The following B3GAT2 variants were observed in gnomAD, a reference collection of about 807,000 sequenced individuals.
B3GAT2 encodes galactosylgalactosylxylosylprotein 3-beta-glucuronosyltransferase 2.
In B3GAT2, 26 loss-of-function variants were observed where a neutral mutation model predicts 27.8. The ratio of observed to expected loss-of-function variants is 0.93; its 90% CI spans 0.68 to 1.30. B3GAT2 has a LOEUF of 1.30. B3GAT2 is among the 50% of genes most tolerant of loss of function. The pLI is 0.00. For missense variants in B3GAT2, 458 were observed against 459.0 expected (o/e 1.00, Z 0.02); for synonymous variants, 218 against 195.1 (o/e 1.12, Z -0.98).
Position 70,955,856 on chromosome 6 carries a change from G to T in B3GAT2, c.574C>A (p.Leu192Met). Residue 192 changes from leucine to methionine, a missense_variant, in exon 1 of 4, where the codon CTG (leucine) becomes ATG (methionine). Coordinates refer to ENST00000230053, the MANE Select transcript of B3GAT2 (RefSeq NM_080742.3). ...GCCTTTACCTCCTGGAAGAGCTCCA[G>T]ACTATAGGTGTTGTCGTCGTCAGCG... ...FFADDDNTYS[L>M]ELFQEMRTTR... 1.2e-6 allele frequency: 2 copies of T among 1,600,038 alleles called. No homozygotes were observed. The highest frequency in any genetic ancestry group is 1.1e-5 in the South Asian group (1 of 89,388).
chr6:70,868,382 T>G (rs1771885106), intron 2 of B3GAT2, among the ~76,000 whole-genome samples: 1 of 152,198 alleles, frequency 6.6e-6, no homozygotes, highest in Non-Finnish European at 1.5e-5. Context: ...CTCCTCTTCT[T>G]CCTTCAGCCA....
At chr6:70,881,733 T>G (rs1192315386) in intron 2 of B3GAT2, among the ~76,000 whole-genome samples, 2 of 152,138 alleles carry the variant, frequency 1.3e-5, no homozygotes, top group African/African-American at 4.8e-5. Flanking sequence ...TGATGGCATG[T>G]GTCTGAGGCA....
intron 1 of B3GAT2, among the ~76,000 whole-genome samples, chr6:70,902,631 T>TACACACACACAC (rs1182910631): frequency 2.1e-5 from 3 of 142,684 alleles, no homozygotes; most frequent in Admixed American, 2.1e-4. Context: ...TATATATATA[T>TACACACACACAC]ATATATACAC....
chr6:70,893,404 ATT>A (rs34873705), intron 2 of B3GAT2, among the ~76,000 whole-genome samples: 2 of 145,134 alleles, frequency 1.4e-5, no homozygotes, highest in Admixed American at 6.9e-5. Flanking sequence ...ATGTCACCGA[ATT>A]TTTTTTTTTT....
At chr6:70,895,833 C>CTT (rs11412558) in intron 1 of B3GAT2, among the ~76,000 whole-genome samples, 40 of 147,472 alleles carry the variant, frequency 2.7e-4, no homozygotes, top group African/African-American at 6.0e-4. Context: ...ACTTTTACAA[C>CTT]TTTTTTTTTT....
At chr6:70,943,852 T>G (rs182542740) in intron 1 of B3GAT2, among the ~76,000 whole-genome samples, 3 of 152,218 alleles carry the variant, frequency 2.0e-5, no homozygotes, top group African/African-American at 7.2e-5. Context: ...AAATTTCAGT[T>G]AGAAAGAATA....
intron 1 of B3GAT2, among the ~76,000 whole-genome samples, chr6:70,895,359 T>C (rs558814887): frequency 6.6e-5 from 10 of 152,092 alleles, no homozygotes; most frequent in Middle Eastern, 6.8e-3. Context: ...AGGAAAAAAA[T>C]GATATACCTT....
intron 1 of B3GAT2, among the ~76,000 whole-genome samples, chr6:70,950,078 G>T (rs771140018): frequency 1.1e-4 from 17 of 151,684 alleles, no homozygotes; most frequent in East Asian, 5.8e-4. Flanking sequence ...GGGGGAGGGA[G>T]AGCATTAGGA....
intron 2 of B3GAT2, among the ~76,000 whole-genome samples, chr6:70,872,269 C>A (rs1771949771): frequency 1.3e-5 from 2 of 151,610 alleles, no homozygotes; most frequent in African/African-American, 4.8e-5. Context: ...GTTGTTCTGT[C>A]TAGTATTGAA....
At chr6:70,939,767 A>G (rs1765358132) in intron 1 of B3GAT2, among the ~76,000 whole-genome samples, 1 of 151,340 alleles carries the variant, frequency 6.6e-6, no homozygotes, top group South Asian at 2.1e-4. Context: ...GGGGGGAGGG[A>G]TAGCATTAGG....
intron 1 of B3GAT2, among the ~76,000 whole-genome samples, chr6:70,940,532 C>T (rs1765376154): frequency 6.6e-6 from 1 of 152,142 alleles, no homozygotes; most frequent in African/African-American, 2.4e-5. Flanking sequence ...TTGTAACATA[C>T]TATCTCTTTG....
intron 1 of B3GAT2, among the ~76,000 whole-genome samples, chr6:70,902,489 T>C (rs1474409346): frequency 6.6e-6 from 1 of 152,048 alleles, no homozygotes; most frequent in Non-Finnish European, 1.5e-5. Context: ...ATTGAACATA[T>C]ATATCCAAAG....
At chr6:70,953,026 T>C (rs1562239866) in intron 1 of B3GAT2, among the ~76,000 whole-genome samples, 2 of 152,224 alleles carry the variant, frequency 1.3e-5, no homozygotes, top group African/African-American at 2.4e-5. Context: ...TTCCTCCTTT[T>C]ATCTTATCCA....
intron 2 of B3GAT2, among the ~76,000 whole-genome samples, chr6:70,884,679 T>C (rs751887423): frequency 1.3e-5 from 2 of 152,206 alleles, no homozygotes; most frequent in Non-Finnish European, 2.9e-5. Flanking sequence ...GCCTCATCAA[T>C]GAGTCTGGAA....
intron 1 of B3GAT2, among the ~76,000 whole-genome samples, chr6:70,923,647 G>C (rs532666254): frequency 1.3e-3 from 199 of 152,326 alleles, no homozygotes; most frequent in African/African-American, 4.8e-3. Context: ...CTGGGCGACA[G>C]AGTCAGACCC....
rs556057080 is a variant in B3GAT2, at chr6:70,893,886, G to T, written c.736+242C>A. 2.2e-4 allele frequency among the ~76,000 whole-genome samples: 33 copies of T among 152,242 alleles called. No homozygotes were observed. In the Middle Eastern group the frequency reaches 0.01, roughly 47 times the overall value. On this transcript the variant is annotated intron_variant, in intron 2 of 3. Coordinates refer to ENST00000230053, the MANE Select transcript of B3GAT2 (RefSeq NM_080742.3). ...CCATGTAGACGCTTGTGGGATAAAG[G>T]CACAGACAGGGGACAAAATGGAACA... is the stretch of plus-strand genomic sequence containing the variant.
chr6:70,929,368 GAAAT>G (rs1773021530), intron 1 of B3GAT2, among the ~76,000 whole-genome samples: 1 of 151,982 alleles, frequency 6.6e-6, no homozygotes, highest in African/African-American at 2.4e-5. Context: ...TTTAAAAAAA[GAAAT>G]AAAAGCTATT....
chr6:70,859,780 ATATT>A lies in B3GAT2; in HGVS notation c.*1879_*1882del, dbSNP rs1771623296. 1 of 174,516 alleles carries A rather than the reference ATATT, an allele frequency of 5.7e-6. No homozygotes were observed. Among genetic ancestry groups the A allele is most frequent in the African/African-American group, 2.4e-5 (1 of 42,238 alleles). 10.8% of individuals were successfully genotyped at this position (174,516 alleles called of 1,614,324 possible). On this transcript the variant is annotated 3_prime_UTR_variant, in exon 4 of 4. Coordinates refer to ENST00000230053, the MANE Select transcript of B3GAT2 (RefSeq NM_080742.3). ...TAAATGCTTTATGACCACTTTAAAA[ATATT>A]TAGGAAGTATATAAGATTTTAATAG...
rs11752663 is a variant in B3GAT2 at position 70,871,003 on chromosome 6, T to C, written c.737-9025A>G. On this transcript the variant is annotated intron_variant, in intron 2 of 3. Transcript: ENST00000230053. ...GGTGCTTTTTCTGCATCTACTGATA[T>C]AATTGTGCAGCTTTTGTTCTTTATT... 1.8e-3 allele frequency among the ~76,000 whole-genome samples: 267 copies of C among 152,088 alleles called. 3 individuals are homozygous for C. Among genetic ancestry groups the C allele is most frequent in the Admixed American group, 3.5e-3 (53 of 15,272 alleles).
Sources: allele counts gnomAD v4.1 joint callset (sites outside exome capture counted in the v4.1 genomes callset), GRCh38; gene constraint gnomAD v4.1.1; transcripts MANE v1.5; gene names NCBI Gene and HGNC (gene_info 2026-07-23, HGNC 2026-07-21).